The following HOOK3 variants were observed in gnomAD, a reference collection of about 807,000 sequenced individuals.
The protein encoded by HOOK3 is protein Hook homolog 3.
HOOK3 carries 24 observed loss-of-function variants against 116.3 expected under a neutral mutation model. The ratio of observed to expected loss-of-function variants is 0.21; its 90% confidence interval spans 0.15 to 0.29. The LOEUF (loss-of-function observed/expected upper bound fraction) is 0.29. Among genes scored for constraint, HOOK3 ranks in the 10% least tolerant of loss-of-function variants. HOOK3 has a pLI of 1.00. For missense variants in HOOK3, 632 were observed against 830.2 expected, an observed-to-expected ratio of 0.76 and a Z score of 2.93; for synonymous variants, 275 against 283.0, an observed-to-expected ratio of 0.97 and a Z score of 0.28.
intron 1 of HOOK3, among the ~76,000 whole-genome samples, chr8:42,898,492 A>G (rs1359773946): frequency 6.6e-6 from 1 of 151,934 alleles, no homozygotes; most frequent in Admixed American, 6.6e-5. Context: ...TAGGCAGGGG[A>G]GAGAGAGAGA....
intron 1 of HOOK3, among the ~76,000 whole-genome samples, chr8:42,903,419 A>G (rs1207772407): frequency 7.5e-6 from 1 of 133,582 alleles, no homozygotes; most frequent in Non-Finnish European, 1.5e-5. Context: ...ATCTCGGCTC[A>G]CTGCAAGCTC....
At chr8:42,989,560 A>G (rs899026154) in intron 15 of HOOK3, among the ~76,000 whole-genome samples, 2 of 152,178 alleles carry the variant, frequency 1.3e-5, no homozygotes, top group African/African-American at 4.8e-5. Flanking sequence ...TATTGGGGTA[A>G]ATGGGTTATC....
intron 19 of HOOK3, among the ~76,000 whole-genome samples, chr8:43,012,706 C>CA (rs1369307372): frequency 2.0e-5 from 3 of 152,032 alleles, no homozygotes; most frequent in Non-Finnish European, 4.4e-5. Flanking sequence ...CTCAAGTGAT[C>CA]GTCCTGCCTC....
At chr8:42,956,862 G>A (rs1016273753) in intron 6 of HOOK3, among the ~76,000 whole-genome samples, 7 of 152,156 alleles carry the variant, frequency 4.6e-5, no homozygotes, top group Non-Finnish European at 5.9e-5. Context: ...GATTACAGGC[G>A]TGAGCCACCG....
chr8:43,029,572 A>G lies in HOOK3; in HGVS notation c.*11074A>G. 1 of 190,926 alleles carries G rather than the reference A, an allele frequency of 5.2e-6. No homozygotes were observed. Among genetic ancestry groups the G allele is most frequent in the Non-Finnish European group, 1.1e-5 (1 of 91,038 alleles). 11.8% of individuals were successfully genotyped at this position (190,926 alleles called of 1,614,324 possible). On this transcript the variant is annotated 3_prime_UTR_variant, in exon 22 of 22. Coordinates refer to ENST00000307602, the MANE Select transcript of HOOK3 (RefSeq NM_032410.4). ...TCAGAATGCTTTGTACTTAGAAAAT[A>G]ATTTCTAGGCTTATCTTGTTTTGCA...
intron 17 of HOOK3, among the ~76,000 whole-genome samples, chr8:43,007,293 G>A (rs868647326): frequency 2.0e-5 from 3 of 152,058 alleles, no homozygotes; most frequent in Middle Eastern, 3.4e-3. Context: ...TAGGTGACCC[G>A]GATCGGTTCT....
intron 8 of HOOK3, among the ~76,000 whole-genome samples, chr8:42,963,100 C>A (rs1808566710): frequency 6.6e-6 from 1 of 152,108 alleles, no homozygotes; most frequent in African/African-American, 2.4e-5. Flanking sequence ...CTGCACCCAG[C>A]CTTTTGTCTG....
intron 11 of HOOK3, among the ~76,000 whole-genome samples, chr8:42,971,935 A>T (rs1456026429): frequency 1.3e-5 from 2 of 151,612 alleles, no homozygotes; most frequent in Non-Finnish European, 2.9e-5. Context: ...TGCCCACCTC[A>T]GTCACCCAAA....
At position 42,943,374 on chromosome 8, in the gene HOOK3, C is replaced by T; in HGVS notation, c.329C>T (p.Ser110Phe). Residue 110 changes from serine (S) to phenylalanine (F), a missense_variant, in exon 5 of 22, where the codon TCT becomes TTT. Around this residue, in one of 3 missense-constraint regions of HOOK3, gnomAD observed 141 missense variants for 150.8 expected, o/e 0.93. Coordinates refer to ENST00000307602, the MANE Select transcript of HOOK3 (RefSeq NM_032410.4). ...GATGTGAACCTTATTGGGGAGCATT[C>T]TGATGCAGCAGAGCTTGGAAGGATG... Reference protein sequence around the residue: ...LPDVNLIGEHSDAAELGRMLQ... With the variant: ...LPDVNLIGEHFDAAELGRMLQ... 1.9e-6 allele frequency: 3 copies of T among 1,568,820 alleles called. No individual in the cohort carries two copies. The highest frequency in any genetic ancestry group is 2.6e-6 in the Non-Finnish European group (3 of 1,156,020).
At chr8:42,975,316 T>C (rs559986009) in intron 13 of HOOK3, among the ~76,000 whole-genome samples, 3 of 152,362 alleles carry the variant, frequency 2.0e-5, no homozygotes, top group Non-Finnish European at 4.4e-5. Flanking sequence ...TCAGTCAGCA[T>C]TGATTTTTAA....
intron 15 of HOOK3, among the ~76,000 whole-genome samples, chr8:42,987,471 T>G (rs1255862441): frequency 6.6e-6 from 1 of 152,236 alleles, no homozygotes; most frequent in African/African-American, 2.4e-5. Flanking sequence ...TAATAGAGTT[T>G]ACCATTTCCA....
At chr8:42,937,093 C>T (rs1807985683) in intron 4 of HOOK3, among the ~76,000 whole-genome samples, 1 of 152,054 alleles carries the variant, frequency 6.6e-6, no homozygotes, top group African/African-American at 2.4e-5. Context: ...AGGGATTTGA[C>T]TTCTTTCCTG....
At chr8:42,968,242 G>A (rs1285977717) in intron 11 of HOOK3, 28 bp downstream of exon 11, 2 of 1,529,100 alleles carry the variant, frequency 1.3e-6, no homozygotes. Flanking sequence ...TCTTGATGAT[G>A]GTTTCAGGCA....
At chr8:42,953,370 C>T (rs1271306987) in intron 6 of HOOK3, among the ~76,000 whole-genome samples, 1 of 151,540 alleles carries the variant, frequency 6.6e-6, no homozygotes, top group Non-Finnish European at 1.5e-5. Flanking sequence ...TCAAGACCAG[C>T]CTGACCAACA....
rs185588250 is a variant in HOOK3 at position 42,974,395 on chromosome 8, C to T, written c.1321+201C>T. Among the ~76,000 whole-genome samples, 5 of 152,254 alleles carry T rather than the reference C, an allele frequency of 3.3e-5. 1 individual carries two copies. The East Asian group carries it at 5.8e-4, about 18-fold the overall frequency. On this transcript the variant is annotated intron_variant, in intron 13 of 21. Transcript: ENST00000307602. Reference sequence around the variant, plus strand: ...AGTTGGGATTACAGCCACACCACCACGCCCAGCTAATTTTTGTATTTTTAG... The same window carrying T: ...AGTTGGGATTACAGCCACACCACCATGCCCAGCTAATTTTTGTATTTTTAG...
intron 4 of HOOK3, among the ~76,000 whole-genome samples, chr8:42,937,754 CTGTT>C (rs1337219879): frequency 1.3e-5 from 2 of 152,116 alleles, no homozygotes; most frequent in African/African-American, 2.4e-5. Flanking sequence ...GTCTGAGAAA[CTGTT>C]TGTTATGATT....
chr8:42,978,044 C>T (rs996536472), intron 13 of HOOK3, among the ~76,000 whole-genome samples: 1 of 152,128 alleles, frequency 6.6e-6, no homozygotes, highest in Non-Finnish European at 1.5e-5. Context: ...CTGTCCAAGA[C>T]TTGGTTTGTT....
intron 4 of HOOK3, among the ~76,000 whole-genome samples, chr8:42,939,970 C>A (rs566565626): frequency 2.0e-5 from 3 of 151,172 alleles, no homozygotes; most frequent in Admixed American, 6.6e-5. Context: ...GGGATGGCGG[C>A]CGGGCAGAGA....
At chr8:42,935,357 G>T (rs568217745) in intron 4 of HOOK3, among the ~76,000 whole-genome samples, 3 of 152,196 alleles carry the variant, frequency 2.0e-5, no homozygotes, top group South Asian at 2.1e-4. Context: ...TCACTCTGAG[G>T]ATAGTTTCTT....
Sources: allele counts gnomAD v4.1 joint callset (sites outside exome capture counted in the v4.1 genomes callset), GRCh38; gene constraint gnomAD v4.1.1; regional missense constraint gnomAD v4.1.1; transcripts MANE v1.5; gene names NCBI Gene and HGNC (gene_info 2026-07-23, HGNC 2026-07-21).